Variants in TMC2 observed in about 807,000 individuals in gnomAD.
TMC2 encodes the protein transmembrane channel like 2.
A neutral mutation model predicts 105.9 loss-of-function variants in TMC2; 102 were observed. The ratio of observed to expected loss-of-function variants is 0.96; its 90% CI spans 0.82 to 1.14. The LOEUF (loss-of-function observed/expected upper bound fraction) is 1.14, where lower values mean the gene tolerates loss of function less well. TMC2 is among the 50% of genes most tolerant of loss of function. The pLI, the probability that TMC2 is intolerant of heterozygous loss-of-function variation, is 0.00. For missense variants in TMC2, 1,093 were observed against 1,134.3 expected, an observed-to-expected ratio of 0.96 and a Z score of 0.52; for synonymous variants, 402 against 422.8, an observed-to-expected ratio of 0.95 and a Z score of 0.60.
At chr20:2,579,258 T>C (rs1314124340) in intron 6 of TMC2, 31 bp downstream of exon 6, 6 of 1,386,512 alleles carry the variant, frequency 4.3e-6, no homozygotes, top group African/African-American at 4.3e-5. Context: ...GTTTTTTTAA[T>C]TGGTTTCCTA....
chr20:2,572,978 C>T (rs2086114214), intron 5 of TMC2, among the ~76,000 whole-genome samples: 2 of 151,628 alleles, frequency 1.3e-5, no homozygotes, highest in South Asian at 2.1e-4. Context: ...TGGAGTGCAG[C>T]GTCACCACTC....
intron 7 of TMC2, among the ~76,000 whole-genome samples, chr20:2,587,229 G>T (rs1310070980): frequency 1.3e-5 from 2 of 151,972 alleles, no homozygotes; most frequent in African/African-American, 4.8e-5. Flanking sequence ...TCTTCTCATT[G>T]TAATTATTAT....
In TMC2 at chr20:2,558,118, A is replaced by G. The variant is rs1341834553; in HGVS notation, c.83-338A>G. 6.7e-5 allele frequency: 20 copies of G among 299,470 alleles called. No individual in the cohort carries two copies. Among genetic ancestry groups the G allele is most frequent in the Non-Finnish European group, 1.2e-4 (20 of 160,170 alleles). The allele number at this position is 299,470 out of a possible 1,614,324, so 18.6% of individuals were successfully genotyped here. A position where few individuals can be genotyped will look rare whatever the true frequency, so the allele number is the denominator to read the frequency against. ...GATGTCATGGTAATCAACCAGGGGGAAGTAGCAAGGCCTGTTTGTTCCGAT... is the reference window on the plus strand; with the variant it reads ...GATGTCATGGTAATCAACCAGGGGGGAGTAGCAAGGCCTGTTTGTTCCGAT... On this transcript the variant is annotated intron_variant, in intron 2 of 19. Transcript: ENST00000358864. This position sits in a 1 kb window ranked among gnomAD's most constrained non-coding sequence, Gnocchi z 4.6.
At chr20:2,588,406 G>A (rs1012326539) in intron 7 of TMC2, among the ~76,000 whole-genome samples, 5 of 152,190 alleles carry the variant, frequency 3.3e-5, no homozygotes, top group Admixed American at 1.3e-4. Context: ...GTGAGACCCT[G>A]AGCAGAGAAT....
chr20:2,583,106 G>A lies in TMC2; in HGVS notation c.834+3050G>A, dbSNP rs73572224. On this transcript the variant is annotated intron_variant, in intron 7 of 19. Transcript: ENST00000358864. ...AAATAAATTTGACTCTGAGGGTATGGTCTTGTTATCTCTGTTTTAAAAGCT... is the reference window on the plus strand; with the variant it reads ...AAATAAATTTGACTCTGAGGGTATGATCTTGTTATCTCTGTTTTAAAAGCT... 9.4e-3 allele frequency among the ~76,000 whole-genome samples: 1,425 copies of A among 152,306 alleles called. 24 individuals carry two copies. The highest frequency in any genetic ancestry group is 0.032 in the African/African-American group (1,334 of 41,572).
chr20:2,614,140 C>T (rs988067562), intron 14 of TMC2: 5 of 151,898 alleles, frequency 3.3e-5, no homozygotes, highest in African/African-American at 4.8e-5. Flanking sequence ...TGTCTGAGAA[C>T]GAAGATGAAA....
chr20:2,639,999 T>C (rs1231805607), intron 19 of TMC2, among the ~76,000 whole-genome samples: 2 of 152,226 alleles, frequency 1.3e-5, no homozygotes, highest in Admixed American at 1.3e-4. Context: ...CTTTATTTTT[T>C]TGAGATGGAG....
At chr20:2,559,293 T>C (rs1045184836) in intron 3 of TMC2, among the ~76,000 whole-genome samples, 3 of 152,216 alleles carry the variant, frequency 2.0e-5, no homozygotes, top group Non-Finnish European at 2.9e-5. Flanking sequence ...TCAAGGATGC[T>C]ACCAGCTCTG....
At chr20:2,599,877 A>C (rs1391105818) in intron 10 of TMC2, among the ~76,000 whole-genome samples, 1 of 152,188 alleles carries the variant, frequency 6.6e-6, no homozygotes, top group Admixed American at 6.5e-5. Flanking sequence ...CCCTCTCTTG[A>C]ATTCCTTCCT....
At chr20:2,602,437 T>A (rs2086358984) in intron 11 of TMC2, 136 bp downstream of exon 11, 7 of 628,708 alleles carry the variant, frequency 1.1e-5, no homozygotes, top group African/African-American at 1.9e-5. Context: ...CCCCTTCCAG[T>A]CAAATAGCAT....
At chr20:2,551,285 T>C (rs1055183540) in intron 2 of TMC2, among the ~76,000 whole-genome samples, 2 of 152,196 alleles carry the variant, frequency 1.3e-5, no homozygotes, top group African/African-American at 4.8e-5. Flanking sequence ...TCTGCTCAGA[T>C]CTTTTTTCCA....
At chr20:2,630,202 C>T (rs566460348) in intron 17 of TMC2, among the ~76,000 whole-genome samples, 38 of 152,160 alleles carry the variant, frequency 2.5e-4, no homozygotes, top group African/African-American at 8.7e-4. Context: ...GAAAAGGAGT[C>T]GATTGCATTG....
intron 6 of TMC2, 28 bp from the exon 7 acceptor site, chr20:2,579,922 T>C: frequency 1.3e-6 from 2 of 1,528,404 alleles, no homozygotes; most frequent in Middle Eastern, 1.7e-4. Flanking sequence ...TCTGCAGCAC[T>C]CATACCCACC....
intron 2 of TMC2, among the ~76,000 whole-genome samples, chr20:2,541,660 G>A (rs1302884930): frequency 2.0e-5 from 3 of 148,322 alleles, no homozygotes; most frequent in Non-Finnish European, 1.5e-5. Context: ...AAAAAAAAAA[G>A]AAAGAAAGAA....
At chr20:2,600,532 G>T (rs1279324041) in intron 10 of TMC2, among the ~76,000 whole-genome samples, 1 of 152,076 alleles carries the variant, frequency 6.6e-6, no homozygotes, top group Non-Finnish European at 1.5e-5. Context: ...ACAAAAATTA[G>T]CCGGGTGTGG....
chr20:2,631,992 T>C (rs1328412488), intron 17 of TMC2, among the ~76,000 whole-genome samples: 1 of 152,014 alleles, frequency 6.6e-6, no homozygotes, highest in Non-Finnish European at 1.5e-5. Flanking sequence ...GACTGGATAA[T>C]CTCAACTGAT....
intron 11 of TMC2, among the ~76,000 whole-genome samples, chr20:2,608,258 G>T (rs1344185143): frequency 6.7e-6 from 1 of 148,902 alleles, no homozygotes; most frequent in African/African-American, 2.4e-5. Flanking sequence ...AGTCCTAAAT[G>T]GCTTTCCCTG....
intron 3 of TMC2, among the ~76,000 whole-genome samples, chr20:2,559,223 C>T (rs1031181506): frequency 5.9e-5 from 9 of 152,210 alleles, no homozygotes; most frequent in Non-Finnish European, 1.3e-4. Flanking sequence ...CACCTCGTTC[C>T]GGCTTCCGGA....
chr20:2,543,898 T>A (rs1187234207), intron 2 of TMC2, among the ~76,000 whole-genome samples: 1 of 133,826 alleles, frequency 7.5e-6, no homozygotes, highest in Non-Finnish European at 1.6e-5. Flanking sequence ...TCAACCTGCA[T>A]GTCAGTTTTT....
Sources: gnomAD v4.1 joint callset for allele counts (sites outside exome capture counted in the v4.1 genomes callset) on GRCh38, gnomAD v4.1.1 for gene constraint, Gnocchi (gnomAD v3.1) non-coding constraint, MANE v1.5 for transcripts, NCBI Gene and HGNC (gene_info 2026-07-23, HGNC 2026-07-21) for gene names.